FNBP1: variants seen among roughly 807,000 people sequenced by gnomAD.
The protein encoded by FNBP1 is formin binding protein 1.
In FNBP1, 26 loss-of-function variants were observed where a neutral mutation model predicts 90.6. The ratio of observed to expected loss-of-function variants is 0.29; its 90% CI spans 0.21 to 0.40. The LOEUF is 0.40. Ranked by LOEUF, FNBP1 falls within the 10% of genes least tolerant of loss-of-function variation. The probability of loss-of-function intolerance (pLI) is 1.00; values close to 1 mark genes in which losing one functional copy is unlikely to be tolerated. For synonymous variants in FNBP1, 260 were observed against 265.2 expected, an observed-to-expected ratio of 0.98 and a Z score of 0.19; for missense variants, 635 against 768.0, an observed-to-expected ratio of 0.83 and a Z score of 2.05.
intron 6 of FNBP1, among the ~76,000 whole-genome samples, chr9:129,935,607 C>A (rs2043312671): frequency 6.6e-6 from 1 of 152,140 alleles, no homozygotes; most frequent in Admixed American, 6.5e-5. Context: ...CCTGCCTCAA[C>A]CTCCTGAGTA....
At chr9:129,915,847 G>T (rs1202670818) in intron 11 of FNBP1, 119 bp downstream of exon 11, 14 of 712,732 alleles carry the variant, frequency 2.0e-5, no homozygotes, top group Non-Finnish European at 3.4e-5. Context: ...AAAAGCACAC[G>T]TAAGAGAAAC....
Position 129,909,013 on chromosome 9 carries a change from T to G in FNBP1, c.1186-14A>C, listed in dbSNP as rs1007705176. On this transcript the variant is annotated splice_polypyrimidine_tract_variant and intron_variant, in intron 11 of 16. Coordinates refer to ENST00000446176, the MANE Select transcript of FNBP1 (RefSeq NM_015033.3). ...CGGTGTTGCACCCTGCAGACACAAATATAAATGAGAAACCAGAAAGCCCCA... is the reference window on the plus strand; with the variant it reads ...CGGTGTTGCACCCTGCAGACACAAAGATAAATGAGAAACCAGAAAGCCCCA... The G allele has an allele frequency of 3.8e-6, 6 of 1,578,692 alleles. 1 individual carries two copies. Among genetic ancestry groups the G allele is most frequent in the Middle Eastern group, 3.3e-4 (2 of 6,006 alleles).
At chr9:130,045,713 A>G (rs999965023), upstream of FNBP1, among the ~76,000 whole-genome samples, 13 of 152,240 alleles carry the variant, frequency 8.5e-5, no homozygotes, top group African/African-American at 2.4e-4. Context: ...AAAATGCTTG[A>G]AAGTGTCAGA....
rs1403444019 is a variant in FNBP1, at chr9:129,908,964, A to G, written c.1221T>C (p.Pro407=). 1 of 1,613,572 alleles carries G rather than the reference A, an allele frequency of 6.2e-7. No homozygotes were observed. The highest frequency in any genetic ancestry group is 8.5e-7 in the Non-Finnish European group (1 of 1,179,750). The stretch of plus-strand genomic sequence containing the variant: ...GCTGCAGCTTTTTCCTTCTTTGTTC[A>G]GGTGGGAGGTTGCTGAAATCCTCCG... ...ATPEDFSNLP[P]EQRRKKLQQK... The change falls in exon 12 of 17, where the codon CCT becomes CCC. Residue 407 remains proline, a synonymous_variant. Coordinates refer to ENST00000446176, the MANE Select transcript of FNBP1 (RefSeq NM_015033.3).
At chr9:129,897,199 G>T (rs1228340175) in intron 15 of FNBP1, among the ~76,000 whole-genome samples, 1 of 152,100 alleles carries the variant, frequency 6.6e-6, no homozygotes, top group East Asian at 1.9e-4. Flanking sequence ...CCTGGCTTTT[G>T]ATCAGCCCCG....
In FNBP1 at chr9:129,889,430, C is replaced by T. The variant is rs940760552; in HGVS notation, c.*1109G>A. The T allele has an allele frequency of 1.1e-5, 2 of 181,780 alleles. No individual in the cohort carries two copies. The highest frequency in any genetic ancestry group is 1.2e-5 in the Non-Finnish European group (1 of 85,432). The allele number at this position is 181,780 out of a possible 1,614,324, so 11.3% of individuals were successfully genotyped here. ...ACTAAAAATACAAACATTAGCCGGG[C>T]GTGGTGGTGCACGCCTGTAATCACA... On this transcript the variant is annotated 3_prime_UTR_variant, in exon 17 of 17. Transcript: ENST00000446176.
chr9:129,903,860 A>T (rs1208654455), intron 12 of FNBP1, among the ~76,000 whole-genome samples: 2 of 152,102 alleles, frequency 1.3e-5, no homozygotes, highest in African/African-American at 4.8e-5. Flanking sequence ...AACATGGTGA[A>T]ACCCCGTCTC....
At chr9:129,965,816 G>GAA (rs1435328600) in intron 4 of FNBP1, among the ~76,000 whole-genome samples, 8 of 21,024 alleles carry the variant, frequency 3.8e-4, no homozygotes, top group Admixed American at 9.2e-4. Flanking sequence ...AGGGAGGGAG[G>GAA]GAGGAAGGAA....
At chr9:129,899,895 G>A (rs552542296) in intron 15 of FNBP1, 70 bp downstream of exon 15, 19 of 1,338,018 alleles carry the variant, frequency 1.4e-5, no homozygotes, top group African/African-American at 3.0e-5. Flanking sequence ...GGAAGGAAAA[G>A]TGAAAGAAGA....
chr9:129,967,839 T>C lies in FNBP1; in HGVS notation c.346-9286A>G, dbSNP rs73672528. 5.0e-3 allele frequency among the ~76,000 whole-genome samples: 764 copies of C among 152,332 alleles called. 8 individuals carry two copies. Among genetic ancestry groups the C allele is most frequent in the African/African-American group, 0.017 (723 of 41,586 alleles). ...GAATTTGAGTGTCCTGTTTACTAAG[T>C]ATGTTATCCCATGAATGATAAAATT... On this transcript the variant is annotated intron_variant, in intron 4 of 16. Coordinates refer to ENST00000446176, the MANE Select transcript of FNBP1 (RefSeq NM_015033.3).
chr9:129,962,291 C>T (rs2047953715), intron 4 of FNBP1, among the ~76,000 whole-genome samples: 1 of 152,246 alleles, frequency 6.6e-6, no homozygotes, highest in Non-Finnish European at 1.5e-5. Context: ...ATCCTCACTG[C>T]TTTTCCTAAA....
chr9:129,944,391 A>G lies in FNBP1; in HGVS notation c.513+12969T>C, dbSNP rs1036361889. On this transcript the variant is annotated intron_variant, in intron 6 of 16. Transcript: ENST00000446176. ...CCCTGTCTCTACTAAAAATACAAAA[A>G]TTAGCTGGGCGTCGTGGTGGGCGCC... is the stretch of plus-strand genomic sequence containing the variant. Among the ~76,000 whole-genome samples, 10 of 151,976 alleles carry G rather than the reference A, an allele frequency of 6.6e-5. No individual in the cohort carries two copies. In the East Asian group the frequency reaches 1.8e-3, roughly 27 times the overall value.
rs2048720757 is a variant in FNBP1, at chr9:129,966,957, C to T, written c.346-8404G>A. 6.6e-6 allele frequency among the ~76,000 whole-genome samples: 1 copy of T among 152,096 alleles called. No individual in the cohort carries two copies. The highest frequency in any genetic ancestry group is 6.6e-5 in the Admixed American group (1 of 15,258). On this transcript the variant is annotated intron_variant, in intron 4 of 16. Transcript: ENST00000446176. The surrounding 1 kb of genome is among the most constrained non-coding windows in gnomAD (Gnocchi z 4.3). ...ATGAATTAGGAGGCTCAGCAGAGTC[C>T]TCTAGATGAGAGATAATGAGGCACA...
intron 12 of FNBP1, among the ~76,000 whole-genome samples, chr9:129,904,796 A>G (rs6478924): frequency 0.57 from 86,528 of 151,758 alleles, 24,986 homozygotes; most frequent in East Asian, 0.78. Flanking sequence ...TCCTGTTACA[A>G]TGGAAGCTCT....
intron 1 of FNBP1, among the ~76,000 whole-genome samples, chr9:130,035,807 G>A (rs1451072295): frequency 3.3e-5 from 5 of 152,178 alleles, no homozygotes; most frequent in Middle Eastern, 3.4e-3. Flanking sequence ...TTAGCCAGGC[G>A]TGGTGGCACA....
Position 129,989,848 on chromosome 9 carries a change from G to C in FNBP1, c.140+4995C>G, listed in dbSNP as rs563482474. Among the ~76,000 whole-genome samples, 46 of 152,240 alleles carry C rather than the reference G, an allele frequency of 3.0e-4. No individual in the cohort carries two copies. In the South Asian group the frequency reaches 3.3e-3, roughly 11 times the overall value. On this transcript the variant is annotated intron_variant, in intron 2 of 16. Coordinates refer to ENST00000446176, the MANE Select transcript of FNBP1 (RefSeq NM_015033.3). ...AACCTAGAAGTTCAAGACCAGCATG[G>C]GCAACATGGTGAAATTCTGTCTCTG...
intron 1 of FNBP1, among the ~76,000 whole-genome samples, chr9:130,021,065 G>T (rs1319279784): frequency 6.6e-6 from 1 of 152,088 alleles, no homozygotes; most frequent in Non-Finnish European, 1.5e-5. Context: ...TCAAATTGCT[G>T]GTTATTTTTT....
intron 6 of FNBP1, among the ~76,000 whole-genome samples, chr9:129,955,027 T>G (rs1176750740): frequency 1.3e-5 from 2 of 151,302 alleles, no homozygotes; most frequent in East Asian, 3.9e-4. Context: ...ATGGGGAACC[T>G]TTTGAAGCAC....
At position 129,924,941 on chromosome 9, in the gene FNBP1, TCA is replaced by T. The variant is rs768463142; in HGVS notation, c.987+17_987+18del. 1 of 1,593,706 alleles carries T rather than the reference TCA, an allele frequency of 6.3e-7. No homozygotes were observed. Among genetic ancestry groups the T allele is most frequent in the South Asian group, 1.1e-5 (1 of 89,096 alleles). On this transcript the variant is annotated intron_variant, in intron 9 of 16. Coordinates refer to ENST00000446176, the MANE Select transcript of FNBP1 (RefSeq NM_015033.3). ...ATCTCCACACCTTAGAAAACTCATT[TCA>T]CGCCAACCATCAGTACCTTATTTTT...
Sources: allele counts gnomAD v4.1 joint callset (sites outside exome capture counted in the v4.1 genomes callset), GRCh38; gene constraint gnomAD v4.1.1; non-coding constraint Gnocchi (gnomAD v3.1); transcripts MANE v1.5; gene names NCBI Gene and HGNC (gene_info 2026-07-23, HGNC 2026-07-21).